Variants in TDP1 observed in about 807,000 individuals in gnomAD.
TDP1 encodes the protein tyr-DNA phosphodiesterase 1.
In TDP1, 64 loss-of-function variants were observed where a neutral mutation model predicts 81.5. The observed-to-expected ratio is 0.79, with a 90% CI of 0.64 to 0.97. The LOEUF is 0.97. TDP1 is among the 50% of genes least tolerant of loss of function. The probability of loss-of-function intolerance (pLI) is 0.00; values close to 1 mark genes in which losing one functional copy is unlikely to be tolerated. For missense variants in TDP1, 723 were observed against 743.8 expected (o/e 0.97, Z 0.33); for synonymous variants, 256 against 264.3 (o/e 0.97, Z 0.30).
At chr14:89,991,864 G>A (rs1047177458) in intron 12 of TDP1, 53 bp from the exon 13 acceptor site, 4 of 1,526,636 alleles carry the variant, frequency 2.6e-6, no homozygotes, top group African/African-American at 1.4e-5. Context: ...TCTTAATGAG[G>A]GATCCTCAAA....
chr14:89,983,731 G>A (rs554211222), intron 8 of TDP1, among the ~76,000 whole-genome samples: 10 of 152,268 alleles, frequency 6.6e-5, no homozygotes, highest in Admixed American at 5.9e-4. Flanking sequence ...AATCTACTGT[G>A]GAGCAGTTTA....
intron 7 of TDP1, among the ~76,000 whole-genome samples, chr14:89,976,290 G>T (rs912547525): frequency 6.6e-6 from 1 of 151,678 alleles, no homozygotes; most frequent in Non-Finnish European, 1.5e-5. Context: ...GTAGAGACAG[G>T]GGTCTCACTT....
chr14:90,025,450 C>G (rs1043920241), intron 15 of TDP1, among the ~76,000 whole-genome samples: 1 of 152,098 alleles, frequency 6.6e-6, no homozygotes, highest in Non-Finnish European at 1.5e-5. Context: ...AGAAACCTAA[C>G]TTGTAAAGTA....
intron 2 of TDP1, among the ~76,000 whole-genome samples, chr14:89,959,539 G>A (rs116165492): frequency 1.1e-3 from 161 of 152,284 alleles, no homozygotes; most frequent in African/African-American, 3.8e-3. Flanking sequence ...GCACTAAATT[G>A]TAACCCAATA....
intron 7 of TDP1, among the ~76,000 whole-genome samples, chr14:89,977,542 C>T (rs1272780611): frequency 1.3e-5 from 2 of 152,216 alleles, no homozygotes; most frequent in Admixed American, 6.5e-5. Flanking sequence ...AGGTGATCCA[C>T]CCGCCTCGGC....
intron 16 of TDP1, chr14:90,033,585 G>A (rs902212352): frequency 1.1e-5 from 3 of 278,864 alleles, no homozygotes; most frequent in African/African-American, 4.4e-5. Flanking sequence ...CTACACTTGG[G>A]CAAAATAAAT....
intron 5 of TDP1, among the ~76,000 whole-genome samples, chr14:89,970,587 G>A (rs1313953358): frequency 1.3e-5 from 2 of 151,928 alleles, no homozygotes; most frequent in African/African-American, 4.8e-5. Context: ...GCCGTTTTGG[G>A]CCAAAGAAGA....
At chr14:90,015,698 G>T (rs1215677147) in intron 14 of TDP1, among the ~76,000 whole-genome samples, 1 of 152,176 alleles carries the variant, frequency 6.6e-6, no homozygotes, top group Non-Finnish European at 1.5e-5. Flanking sequence ...TAGAAAGAGG[G>T]CAAGGCAGCT....
intron 16 of TDP1, among the ~76,000 whole-genome samples, chr14:90,037,486 C>T (rs1887935629): frequency 6.6e-6 from 1 of 152,130 alleles, no homozygotes; most frequent in Non-Finnish European, 1.5e-5. Context: ...AAAAAATACA[C>T]ATATGAGTAC....
chr14:90,008,221 A>T (rs529634659), intron 14 of TDP1, among the ~76,000 whole-genome samples: 2 of 152,162 alleles, frequency 1.3e-5, no homozygotes, highest in Non-Finnish European at 2.9e-5. Flanking sequence ...CTCTTATGAG[A>T]TGCTTGTCGG....
At chr14:90,036,173 A>T (rs34700280) in intron 16 of TDP1, among the ~76,000 whole-genome samples, 8,223 of 152,174 alleles carry the variant, frequency 0.054, 366 homozygotes, top group African/African-American at 0.12. Context: ...TAAATTTTTT[A>T]AAAAATAAAG....
chr14:90,032,960 G>A, intron 15 of TDP1, 146 bp from the exon 16 acceptor site: 1 of 1,182,600 alleles, frequency 8.5e-7, no homozygotes, highest in South Asian at 1.5e-5. Flanking sequence ...AAATATATTT[G>A]CCTATGAACA....
chr14:89,993,209 G>A (rs768210020), intron 13 of TDP1, 167 bp from the exon 14 acceptor site: 198 of 935,160 alleles, frequency 2.1e-4, no homozygotes, highest in Non-Finnish European at 2.4e-4. Flanking sequence ...TCTAAAATGG[G>A]CATGCGTTAC....
At chr14:90,014,866 C>T (rs1885132852) in intron 14 of TDP1, among the ~76,000 whole-genome samples, 1 of 152,174 alleles carries the variant, frequency 6.6e-6, no homozygotes, top group African/African-American at 2.4e-5. Context: ...ATGCTTGGAG[C>T]AGGGCTTGGC....
chr14:90,020,168 G>A (rs1179437074), intron 15 of TDP1, among the ~76,000 whole-genome samples: 1 of 152,160 alleles, frequency 6.6e-6, no homozygotes, highest in Non-Finnish European at 1.5e-5. Flanking sequence ...GGGCTGGGGT[G>A]TACAAGCCAT....
intron 13 of TDP1, chr14:89,992,890 G>GCA (rs1345600151): frequency 1.0e-6 from 1 of 978,980 alleles, no homozygotes; most frequent in Non-Finnish European, 1.2e-6. Flanking sequence ...GTGAATGTCA[G>GCA]CATTTGACTA....
intron 14 of TDP1, among the ~76,000 whole-genome samples, chr14:89,997,279 C>T (rs1458491550): frequency 1.3e-5 from 2 of 152,128 alleles, no homozygotes; most frequent in African/African-American, 4.8e-5. Context: ...TGGCCAGGTG[C>T]CTGACATGTG....
chr14:90,022,644 T>C (rs2140280579), intron 15 of TDP1: 1 of 566,452 alleles, frequency 1.8e-6, no homozygotes, highest in Non-Finnish European at 2.2e-6. Flanking sequence ...CTTGTCAGTC[T>C]GTAAAAAGGG....
chr14:90,010,411 G>T (rs549217482), intron 14 of TDP1, among the ~76,000 whole-genome samples: 1 of 152,342 alleles, frequency 6.6e-6, no homozygotes, highest in Admixed American at 6.5e-5. Context: ...AGATGTCTTT[G>T]TGTAAAATCC....
Sources: gnomAD v4.1 joint callset for allele counts (sites outside exome capture counted in the v4.1 genomes callset) on GRCh38, gnomAD v4.1.1 for gene constraint, MANE v1.5 for transcripts, NCBI Gene and HGNC (gene_info 2026-07-23, HGNC 2026-07-21) for gene names.